Variants in ONECUT2 observed in about 807,000 individuals in gnomAD.
ONECUT2 encodes the protein one cut homeobox 2.
A neutral mutation model predicts 27.9 loss-of-function variants in ONECUT2; 10 were observed. The observed-to-expected ratio is 0.36, with a 90% CI of 0.22 to 0.61. ONECUT2 has a LOEUF of 0.61. Ranked by LOEUF, ONECUT2 falls within the 20% of genes least tolerant of loss-of-function variation. ONECUT2 has a pLI of 0.73. For missense variants in ONECUT2, 686 were observed against 721.0 expected (o/e 0.95, Z 0.56); for synonymous variants, 334 against 315.1 (o/e 1.06, Z -0.64).
At position 57,467,356 on chromosome 18, in the gene ONECUT2, GT is replaced by G. The variant is rs1555674718; in HGVS notation, c.1229-9078del. The G allele has an allele frequency of 1.4e-3, 59 of 43,272 alleles. 1 individual carries two copies. The Admixed American group carries it at 0.014, about 10-fold the overall frequency. 2.7% of individuals were successfully genotyped at this position (43,272 alleles called of 1,614,324 possible). ...CCACATTTCCTTTGGTTTTTTTTTT[GT>G]TTGTTTGTTTGTTTGTTTTTTTTCC... is the stretch of plus-strand genomic sequence containing the variant. On this transcript the variant is annotated intron_variant, in intron 1 of 1. Transcript: ENST00000491143.
chr18:57,479,638 C>T lies in ONECUT2; in HGVS notation c.*2915C>T, dbSNP rs565844814. On this transcript the variant is annotated 3_prime_UTR_variant, in exon 2 of 2. Transcript: ENST00000491143. Reference sequence around the variant, plus strand: ...CATGAGTTTTATTTGTATTCGGAGTCATCTCTATTCTATCCCTCAGCCTCG... The same window carrying T: ...CATGAGTTTTATTTGTATTCGGAGTTATCTCTATTCTATCCCTCAGCCTCG... 3.2e-4 allele frequency: 49 copies of T among 152,696 alleles called. 4 individuals carry two copies. Among genetic ancestry groups the T allele is most frequent in the African/African-American group, 1.1e-3 (45 of 41,558 alleles). The allele number at this position is 152,696 out of a possible 1,614,324, so 9.5% of individuals were successfully genotyped here.
In ONECUT2 at chr18:57,478,297, G is replaced by T. The variant is rs1009383265; in HGVS notation, c.*1574G>T. On this transcript the variant is annotated 3_prime_UTR_variant, in exon 2 of 2. Transcript: ENST00000491143. ...TGCATATTTACCAGTGAATGGCCCC[G>T]GGTGGGGCCACGTGGGGGTGTTCAA... 1 of 152,470 alleles carries T rather than the reference G, an allele frequency of 6.6e-6. No homozygotes were observed. The highest frequency in any genetic ancestry group is 1.5e-5 in the Non-Finnish European group (1 of 68,034). 9.4% of individuals were successfully genotyped at this position (152,470 alleles called of 1,614,324 possible). A position where few individuals can be genotyped will look rare whatever the true frequency, so the allele number is the denominator to read the frequency against.
At chr18:57,461,676 A>C (rs2050292564) in intron 1 of ONECUT2, among the ~76,000 whole-genome samples, 1 of 152,228 alleles carries the variant, frequency 6.6e-6, no homozygotes, top group African/African-American at 2.4e-5. Flanking sequence ...AATATGCCTT[A>C]GAGTTGTTCC....
At chr18:57,471,725 C>T (rs1044048842) in intron 1 of ONECUT2, among the ~76,000 whole-genome samples, 6 of 152,186 alleles carry the variant, frequency 3.9e-5, no homozygotes, top group African/African-American at 1.2e-4. Context: ...CAGGACACAA[C>T]CAGCATGACC....
chr18:57,471,084 C>CTG (rs1318307998), intron 1 of ONECUT2, among the ~76,000 whole-genome samples: 1 of 152,252 alleles, frequency 6.6e-6, no homozygotes, highest in Non-Finnish European at 1.5e-5. Flanking sequence ...GGGGCCTTTT[C>CTG]TGTCCTCCAT....
At chr18:57,437,455 A>C (rs1212981968) in intron 1 of ONECUT2, among the ~76,000 whole-genome samples, 1 of 152,212 alleles carries the variant, frequency 6.6e-6, no homozygotes, top group African/African-American at 2.4e-5. Flanking sequence ...CAGAGGGAAA[A>C]GAGCTCTCTA....
chr18:57,437,196 C>A (rs1019715502), intron 1 of ONECUT2, among the ~76,000 whole-genome samples: 1 of 151,938 alleles, frequency 6.6e-6, no homozygotes, highest in Non-Finnish European at 1.5e-5. Context: ...TTGACCGACC[C>A]CCCCCCATTT....
rs1232366137 is a variant in ONECUT2 at position 57,485,991 on chromosome 18, G to A, written c.*9268G>A. ...ACTCTCAGAATCCCTGGGAGACAGA[G>A]CAAAGATGACTTAATTCATTGAGCA... On this transcript the variant is annotated 3_prime_UTR_variant, in exon 2 of 2. Coordinates refer to ENST00000491143, the MANE Select transcript of ONECUT2 (RefSeq NM_004852.3). 2.0e-5 allele frequency: 3 copies of A among 152,590 alleles called. No individual in the cohort carries two copies. The highest frequency in any genetic ancestry group is 7.2e-5 in the African/African-American group (3 of 41,436). 9.5% of individuals were successfully genotyped at this position (152,590 alleles called of 1,614,324 possible). A position where few individuals can be genotyped will look rare whatever the true frequency, so the allele number is the denominator to read the frequency against.
rs558487621 is a variant in ONECUT2, at chr18:57,486,875, A to G, written c.*10152A>G. ...CTGAACAATTAATTGTTCCGTGTTAACAGTGTAGTATTATGATTAGCAACT... is the reference window on the plus strand; with the variant it reads ...CTGAACAATTAATTGTTCCGTGTTAGCAGTGTAGTATTATGATTAGCAACT... On this transcript the variant is annotated 3_prime_UTR_variant, in exon 2 of 2. Transcript: ENST00000491143. 20 of 152,764 alleles carry G rather than the reference A, an allele frequency of 1.3e-4. No individual in the cohort carries two copies. Among genetic ancestry groups the G allele is most frequent in the Non-Finnish European group, 2.4e-4 (16 of 68,018 alleles). The allele number at this position is 152,764 out of a possible 1,614,324, so 9.5% of individuals were successfully genotyped here. A position where few individuals can be genotyped will look rare whatever the true frequency, so the allele number is the denominator to read the frequency against.
chr18:57,440,892 A>T (rs1358293061), intron 1 of ONECUT2, among the ~76,000 whole-genome samples: 1 of 152,196 alleles, frequency 6.6e-6, no homozygotes, highest in African/African-American at 2.4e-5. Flanking sequence ...GAGAGGCTGA[A>T]CGCAACCCGT....
chr18:57,437,224 A>G (rs761336139), intron 1 of ONECUT2, among the ~76,000 whole-genome samples: 3 of 148,854 alleles, frequency 2.0e-5, no homozygotes, highest in East Asian at 2.0e-4. Context: ...CCTCCCCTCA[A>G]TGTGCCAACC....
chr18:57,477,564 T>G lies in ONECUT2; in HGVS notation c.*841T>G, dbSNP rs1255649690. 6.6e-6 allele frequency: 1 copy of G among 152,656 alleles called. No homozygotes were observed. Among genetic ancestry groups the G allele is most frequent in the Non-Finnish European group, 1.5e-5 (1 of 68,042 alleles). The allele number at this position is 152,656 out of a possible 1,614,324, so 9.5% of individuals were successfully genotyped here. A position where few individuals can be genotyped will look rare whatever the true frequency, so the allele number is the denominator to read the frequency against. On this transcript the variant is annotated 3_prime_UTR_variant, in exon 2 of 2. Coordinates refer to ENST00000491143, the MANE Select transcript of ONECUT2 (RefSeq NM_004852.3). ...ATCTGGATTTTCAAGACACCTATTG[T>G]GAAGTCATTAGGGAATTGATGAGAA...
At chr18:57,463,704 G>A (rs1258615808) in intron 1 of ONECUT2, among the ~76,000 whole-genome samples, 2 of 152,004 alleles carry the variant, frequency 1.3e-5, no homozygotes, top group African/African-American at 4.8e-5. Context: ...TCTATTCTAT[G>A]TACACTCTTG....
chr18:57,471,983 C>G (rs1280328604), intron 1 of ONECUT2, among the ~76,000 whole-genome samples: 1 of 152,162 alleles, frequency 6.6e-6, no homozygotes, highest in Non-Finnish European at 1.5e-5. Context: ...TGCTTTCCTC[C>G]TAAAAGAGAG....
intron 1 of ONECUT2, among the ~76,000 whole-genome samples, chr18:57,452,802 G>A (rs535198644): frequency 1.3e-5 from 2 of 152,238 alleles, no homozygotes; most frequent in South Asian, 2.1e-4. Flanking sequence ...AAATTCCAGG[G>A]GAGCAAAGGT....
chr18:57,439,680 G>A (rs562093239), intron 1 of ONECUT2, among the ~76,000 whole-genome samples: 86 of 152,286 alleles, frequency 5.6e-4, no homozygotes, highest in African/African-American at 1.8e-3. Flanking sequence ...ATCCCCGCCG[G>A]TACGCCGCAG....
intron 1 of ONECUT2, among the ~76,000 whole-genome samples, chr18:57,455,755 C>T (rs645055): frequency 0.095 from 14,509 of 152,020 alleles, 806 homozygotes; most frequent in Middle Eastern, 0.2. Flanking sequence ...ACTGGTCCTC[C>T]GGAGGGGTCT....
intron 1 of ONECUT2, among the ~76,000 whole-genome samples, chr18:57,452,306 TTAGTAAATA>T (rs1235391975): frequency 4.6e-5 from 7 of 152,236 alleles, no homozygotes; most frequent in Non-Finnish European, 8.8e-5. Flanking sequence ...TAGTTTGCAC[TTAGTAAATA>T]TGCAAGGATA....
At chr18:57,462,983 C>T (rs1390869903) in intron 1 of ONECUT2, among the ~76,000 whole-genome samples, 2 of 152,034 alleles carry the variant, frequency 1.3e-5, no homozygotes, top group Admixed American at 6.6e-5. Flanking sequence ...CTGCCCGCCT[C>T]GGCCTCCCAA....
Sources: allele counts gnomAD v4.1 joint callset (sites outside exome capture counted in the v4.1 genomes callset), GRCh38; gene constraint gnomAD v4.1.1; transcripts MANE v1.5; gene names NCBI Gene and HGNC (gene_info 2026-07-23, HGNC 2026-07-21).